STAU2: variants seen among roughly 807,000 people sequenced by gnomAD.
STAU2 encodes staufen double-stranded RNA binding protein 2.
Under a neutral mutation model 65.9 loss-of-function variants are expected in STAU2, and 20 were observed. The ratio of observed to expected loss-of-function variants is 0.30; its 90% CI spans 0.21 to 0.44. The LOEUF is 0.44. Ranked by LOEUF, STAU2 falls within the 20% of genes least tolerant of loss-of-function variation. STAU2 has a pLI of 1.00. For missense variants in STAU2, 558 were observed against 683.9 expected (o/e 0.82, Z 2.05); for synonymous variants, 232 against 233.9 (o/e 0.99, Z 0.07).
intron 13 of STAU2, among the ~76,000 whole-genome samples, chr8:73,496,826 A>G (rs1026317237): frequency 3.3e-5 from 5 of 151,626 alleles, no homozygotes; most frequent in African/African-American, 1.2e-4. Context: ...ACACATCCCA[A>G]TTTGGATGAG....
chr8:73,573,721 C>G lies in STAU2; in HGVS notation c.1222+9049G>C, dbSNP rs139134127. Among the ~76,000 whole-genome samples the G allele has an allele frequency of 1.6e-3, 243 of 152,290 alleles. 4 individuals are homozygous for G. The East Asian group carries it at 0.023, about 14-fold the overall frequency. On this transcript the variant is annotated intron_variant, in intron 12 of 14. Coordinates refer to ENST00000524300, the MANE Select transcript of STAU2 (RefSeq NM_001164380.2). Reference sequence around the variant, plus strand: ...CATATGTAGAAAGCTGAAACTGGATCCCTTCCTTACACCTTATACAAAAAA... The same window carrying G: ...CATATGTAGAAAGCTGAAACTGGATGCCTTCCTTACACCTTATACAAAAAA...
intron 6 of STAU2, among the ~76,000 whole-genome samples, chr8:73,650,890 A>C (rs1461297198): frequency 6.6e-6 from 1 of 152,228 alleles, no homozygotes; most frequent in African/African-American, 2.4e-5. Context: ...AAAAATATAT[A>C]TGTAAGGACT....
chr8:73,585,687 C>T (rs1158577105), intron 11 of STAU2, among the ~76,000 whole-genome samples: 1 of 152,214 alleles, frequency 6.6e-6, no homozygotes, highest in Admixed American at 6.5e-5. Flanking sequence ...TACAGTTCAT[C>T]TCCCAATCCT....
At chr8:73,439,058 A>T (rs193224475) in intron 13 of STAU2, 16 of 456,688 alleles carry the variant, frequency 3.5e-5, no homozygotes, top group African/African-American at 2.2e-4. Flanking sequence ...TAACTGATGG[A>T]TGTGTCTGGA....
chr8:73,687,305 A>AT (rs1563506608), intron 5 of STAU2, among the ~76,000 whole-genome samples: 4 of 64,654 alleles, frequency 6.2e-5, no homozygotes, highest in East Asian at 4.1e-4. Flanking sequence ...TATATTTATA[A>AT]ATATAATTTA....
intron 13 of STAU2, among the ~76,000 whole-genome samples, chr8:73,511,996 T>C (rs1404686043): frequency 1.3e-5 from 2 of 152,204 alleles, no homozygotes; most frequent in Admixed American, 6.5e-5. Flanking sequence ...CCCAGTACCC[T>C]CTGTTGAAAA....
intron 13 of STAU2, among the ~76,000 whole-genome samples, chr8:73,538,097 A>G (rs1806302672): frequency 6.6e-6 from 1 of 152,214 alleles, no homozygotes; most frequent in Non-Finnish European, 1.5e-5. Flanking sequence ...ATTGGAAGAG[A>G]CTTGAGAGAC....
chr8:73,715,970 A>T (rs1042790163), intron 3 of STAU2, among the ~76,000 whole-genome samples: 2 of 152,134 alleles, frequency 1.3e-5, no homozygotes, highest in African/African-American at 4.8e-5. Flanking sequence ...GCTACAGTGC[A>T]GTGGCGCAAT....
intron 5 of STAU2, 69 bp downstream of exon 5, chr8:73,688,585 T>G: frequency 1.3e-6 from 2 of 1,574,650 alleles, no homozygotes; most frequent in East Asian, 4.5e-5. Context: ...ACTAGCCTAC[T>G]ATAAATGAAA....
At chr8:73,714,413 T>C (rs947467434) in intron 3 of STAU2, among the ~76,000 whole-genome samples, 1 of 152,178 alleles carries the variant, frequency 6.6e-6, no homozygotes, top group African/African-American at 2.4e-5. Flanking sequence ...AATTAGACCC[T>C]AACATAAGGC....
chr8:73,585,341 A>G (rs1261984054), intron 11 of STAU2, among the ~76,000 whole-genome samples: 1 of 152,200 alleles, frequency 6.6e-6, no homozygotes, highest in Non-Finnish European at 1.5e-5. Flanking sequence ...TTAGCCAGGC[A>G]TGGTGGCCCA....
At chr8:73,630,183 C>T (rs1049954761) in intron 6 of STAU2, among the ~76,000 whole-genome samples, 6 of 152,186 alleles carry the variant, frequency 3.9e-5, no homozygotes, top group African/African-American at 1.4e-4. Context: ...CTGGGGAATG[C>T]ACTATGTGGA....
chr8:73,638,788 T>C (rs887262267), intron 6 of STAU2, among the ~76,000 whole-genome samples: 3 of 151,944 alleles, frequency 2.0e-5, no homozygotes, highest in African/African-American at 7.2e-5. Context: ...ATATTTTAGT[T>C]GCTAAAGATT....
chr8:73,482,200 C>T (rs1004558828), intron 13 of STAU2, among the ~76,000 whole-genome samples: 23 of 151,740 alleles, frequency 1.5e-4, no homozygotes, highest in Non-Finnish European at 1.5e-5. Flanking sequence ...GGCCTGTGAT[C>T]GCATTGCCAG....
At chr8:73,692,591 T>C (rs1306240830) in intron 4 of STAU2, among the ~76,000 whole-genome samples, 1 of 152,160 alleles carries the variant, frequency 6.6e-6, no homozygotes, top group Non-Finnish European at 1.5e-5. Context: ...CTGAGTCTTG[T>C]GAGCTGTTTT....
intron 6 of STAU2, among the ~76,000 whole-genome samples, chr8:73,630,300 A>C (rs914652307): frequency 6.6e-6 from 1 of 152,216 alleles, no homozygotes; most frequent in Middle Eastern, 3.2e-3. Context: ...GATGCACACT[A>C]AGCTGAGAAC....
intron 13 of STAU2, among the ~76,000 whole-genome samples, chr8:73,474,865 T>C (rs1425338521): frequency 6.6e-6 from 1 of 152,176 alleles, no homozygotes; most frequent in Non-Finnish European, 1.5e-5. Flanking sequence ...CACAATATTA[T>C]TCAACATAGC....
chr8:73,657,009 A>G (rs1372278792), intron 6 of STAU2, among the ~76,000 whole-genome samples: 1 of 152,248 alleles, frequency 6.6e-6, no homozygotes, highest in Non-Finnish European at 1.5e-5. Flanking sequence ...AAAACCTGCA[A>G]TTCTTCAGTG....
chr8:73,606,669 G>C (rs1025496499), intron 9 of STAU2, among the ~76,000 whole-genome samples: 1 of 152,202 alleles, frequency 6.6e-6, no homozygotes, highest in Non-Finnish European at 1.5e-5. Context: ...CTACAACTTT[G>C]AAAAACTAAA....
Sources: gnomAD v4.1 joint callset for allele counts (sites outside exome capture counted in the v4.1 genomes callset) on GRCh38, gnomAD v4.1.1 for gene constraint, MANE v1.5 for transcripts, NCBI Gene and HGNC (gene_info 2026-07-23, HGNC 2026-07-21) for gene names.